NFATC1: variants seen among roughly 807,000 people sequenced by gnomAD.
NFATC1 encodes nuclear factor of activated T-cells, cytoplasmic 1.
A neutral mutation model predicts 76.0 loss-of-function variants in NFATC1; 22 were observed. The ratio of observed to expected loss-of-function variants is 0.29; its 90% CI spans 0.21 to 0.41. NFATC1 has a LOEUF of 0.41. Among genes scored for constraint, NFATC1 ranks in the 10% least tolerant of loss-of-function variants. The pLI, the probability that NFATC1 is intolerant of heterozygous loss-of-function variation, is 1.00. For missense variants in NFATC1, 1,357 were observed against 1,337.7 expected (o/e 1.01, Z -0.23); for synonymous variants, 704 against 613.1 (o/e 1.15, Z -2.19).
intron 5 of NFATC1, 128 bp downstream of exon 5, chr18:79,451,254 A>G (rs974123119): frequency 3.4e-6 from 4 of 1,180,556 alleles, no homozygotes; most frequent in African/African-American, 3.1e-5. Context: ...AACCCACCAC[A>G]GTGTGTGGCC....
chr18:79,461,652 C>T (rs542878918), intron 7 of NFATC1, among the ~76,000 whole-genome samples: 23 of 152,336 alleles, frequency 1.5e-4, no homozygotes, highest in African/African-American at 5.3e-4. Flanking sequence ...CACACCCTGG[C>T]GCTGAGACAG....
intron 8 of NFATC1, among the ~76,000 whole-genome samples, chr18:79,477,192 C>G (rs1056868989): frequency 1.3e-5 from 2 of 152,196 alleles, no homozygotes; most frequent in Non-Finnish European, 2.9e-5. Context: ...GGTGTCATTC[C>G]TGGTTGTTTA....
intron 9 of NFATC1, among the ~76,000 whole-genome samples, chr18:79,520,188 C>T (rs571394822): frequency 1.4e-5 from 2 of 141,426 alleles, no homozygotes; most frequent in Non-Finnish European, 3.2e-5. Context: ...CCTCCGGGCC[C>T]CTCACGGGAG....
At chr18:79,514,159 C>T (rs2145186196) in intron 9 of NFATC1, among the ~76,000 whole-genome samples, 1 of 152,228 alleles carries the variant, frequency 6.6e-6, no homozygotes, top group East Asian at 1.9e-4. Flanking sequence ...ATCACACCCT[C>T]AGCCAGCACA....
intron 8 of NFATC1, among the ~76,000 whole-genome samples, chr18:79,473,017 G>A (rs2088849564): frequency 6.6e-6 from 1 of 152,242 alleles, no homozygotes; most frequent in South Asian, 2.1e-4. Context: ...TCCCCTTTCT[G>A]CAGCTTGTGG....
intron 1 of NFATC1, among the ~76,000 whole-genome samples, chr18:79,398,407 C>T (rs1358300465): frequency 1.3e-5 from 2 of 152,252 alleles, no homozygotes; most frequent in African/African-American, 2.4e-5. Context: ...CGCAGACATC[C>T]CCAGCCTCTG....
intron 3 of NFATC1, chr18:79,448,366 G>C: frequency 4.4e-6 from 1 of 225,920 alleles, no homozygotes; most frequent in Non-Finnish European, 8.8e-6. Context: ...TGGGAGCTGC[G>C]CGCTGCCCGG....
rs773620494 is a variant in NFATC1 at position 79,433,761 on chromosome 18, C to G, written c.1386+23C>G. On this transcript the variant is annotated intron_variant, in intron 3 of 9. Transcript: ENST00000427363. ...CAGGTAGGCACTGCGGCCAGACTCG[C>G]ACGTCACTTGGTGCTTTTGTGGTCA... The G allele has an allele frequency of 3.1e-6, 5 of 1,601,080 alleles. No individual in the cohort carries two copies. The East Asian group carries it at 1.1e-4, about 36-fold the overall frequency.
chr18:79,430,837 C>T (rs1462427027), intron 2 of NFATC1, among the ~76,000 whole-genome samples: 1 of 152,182 alleles, frequency 6.6e-6, no homozygotes, highest in African/African-American at 2.4e-5. Context: ...CCCTTCATTG[C>T]CCAGCCCTGC....
At chr18:79,421,312 T>C (rs547536438) in intron 2 of NFATC1, 5 of 152,416 alleles carry the variant, frequency 3.3e-5, no homozygotes, top group South Asian at 4.2e-4. Context: ...CAAGATGACA[T>C]GTGGCACAGA....
rs759599683 is a variant in NFATC1, at chr18:79,410,460, A to C, written c.185A>C (p.His62Pro). ...CCCGCCCTGCCGCTCCCCACGGCGC[A>C]CTCCACCCTGCCGGCCCCGTGCCAC... is the stretch of plus-strand genomic sequence containing the variant. ...VSPALPLPTA[H>P]STLPAPCHNL... is the part of the protein sequence containing the mutation. Residue 62 changes from histidine to proline, a missense_variant, in exon 2 of 10, where the codon CAC (histidine) becomes CCC (proline). This residue lies in a region of NFATC1 where 691 missense variants were observed against 613.1 expected (regional missense o/e 1.13). Transcript: ENST00000427363. The surrounding 1 kb of genome is among the most constrained non-coding windows in gnomAD (Gnocchi z 6.7). 1.7e-5 allele frequency: 28 copies of C among 1,611,538 alleles called. 1 individual carries two copies. The Middle Eastern group carries it at 5.0e-4, about 28-fold the overall frequency.
At chr18:79,443,275 G>A (rs192414410) in intron 3 of NFATC1, among the ~76,000 whole-genome samples, 162 of 152,326 alleles carry the variant, frequency 1.1e-3, no homozygotes, top group African/African-American at 3.1e-3. Context: ...TGCACCGCGC[G>A]TATGGACACA....
At chr18:79,427,884 CA>C (rs2086445198) in intron 2 of NFATC1, among the ~76,000 whole-genome samples, 5 of 114,046 alleles carry the variant, frequency 4.4e-5, no homozygotes, top group Non-Finnish European at 6.9e-5. Flanking sequence ...GGCCTCTGTG[CA>C]GTGAGTCGGG....
intron 1 of NFATC1, among the ~76,000 whole-genome samples, chr18:79,405,414 G>C (rs1191300726): frequency 6.6e-6 from 1 of 152,236 alleles, no homozygotes; most frequent in Non-Finnish European, 1.5e-5. Flanking sequence ...CCTCAGAATC[G>C]TCAAGAAAGT....
chr18:79,433,624 C>T lies in NFATC1; in HGVS notation c.1272C>T (p.Gly424=), dbSNP rs2086673013. The change falls in exon 3 of 10, where the codon GGC becomes GGT. Residue 424 remains glycine (G), a synonymous_variant. Coordinates refer to ENST00000427363, the MANE Select transcript of NFATC1 (RefSeq NM_001278669.2). The part of the protein sequence containing the change: ...ALDWQLPSHS[G]PYELRIEVQP... Reference sequence around the variant, plus strand: ...ACTGGCAGCTGCCGTCCCACTCAGGCCCGTATGAGCTTCGGATTGAGGTGC... The same window carrying T: ...ACTGGCAGCTGCCGTCCCACTCAGGTCCGTATGAGCTTCGGATTGAGGTGC... The T allele has an allele frequency of 6.2e-7, 1 of 1,613,152 alleles. No individual in the cohort carries two copies. Among genetic ancestry groups the T allele is most frequent in the African/African-American group, 1.3e-5 (1 of 75,046 alleles).
chr18:79,471,098 G>T (rs1331660128), intron 8 of NFATC1, among the ~76,000 whole-genome samples: 1 of 152,232 alleles, frequency 6.6e-6, no homozygotes, highest in African/African-American at 2.4e-5. Flanking sequence ...CCACAGAGAG[G>T]CTTCCTGAGC....
At chr18:79,464,379 G>A (rs1184847358) in intron 7 of NFATC1, among the ~76,000 whole-genome samples, 1 of 152,082 alleles carries the variant, frequency 6.6e-6, no homozygotes, top group Non-Finnish European at 1.5e-5. Flanking sequence ...ACAGGCGTGA[G>A]CCACCGCGCC....
In NFATC1 at chr18:79,451,106, C is replaced by T; in HGVS notation, c.1742C>T (p.Ala581Val). 1 of 1,611,482 alleles carries T rather than the reference C, an allele frequency of 6.2e-7. No homozygotes were observed. Among genetic ancestry groups the T allele is most frequent in the Non-Finnish European group, 8.5e-7 (1 of 1,178,626 alleles). The change falls in exon 5 of 10, where the codon GCC (alanine) becomes GTC (valine). Residue 581 changes from alanine to valine, a missense_variant. Coordinates refer to ENST00000427363, the MANE Select transcript of NFATC1 (RefSeq NM_001278669.2). ...GGCCGCACGCTGTCCCTGCAGGTGG[C>T]CTCCAACCCCATCGAATGCTGTAAG... Reference protein sequence around the residue: ...PSGRTLSLQVASNPIECSQRS... With the variant: ...PSGRTLSLQVVSNPIECSQRS...
At chr18:79,424,345 G>A (rs1367961294) in intron 2 of NFATC1, among the ~76,000 whole-genome samples, 1 of 152,226 alleles carries the variant, frequency 6.6e-6, no homozygotes, top group Non-Finnish European at 1.5e-5. Context: ...ACAGGTCAGG[G>A]GGCAAAGCTG....
Sources: gnomAD v4.1 joint callset for allele counts (sites outside exome capture counted in the v4.1 genomes callset) on GRCh38, gnomAD v4.1.1 for gene constraint, gnomAD v4.1.1 regional missense constraint, Gnocchi (gnomAD v3.1) non-coding constraint, MANE v1.5 for transcripts, NCBI Gene and HGNC (gene_info 2026-07-23, HGNC 2026-07-21) for gene names.